The following CAMK4 variants were observed in gnomAD, a reference collection of about 807,000 sequenced individuals.
CAMK4 encodes the protein calcium/calmodulin-dependent protein kinase type IV.
Under a neutral mutation model 44.9 loss-of-function variants are expected in CAMK4, and 22 were observed. The observed-to-expected ratio is 0.49, with a 90% CI of 0.35 to 0.70. The LOEUF is 0.70. CAMK4 is among the 30% of genes least tolerant of loss of function. The pLI is 0.01. For synonymous variants in CAMK4, 218 were observed against 215.4 expected (o/e 1.01, Z -0.11); for missense variants, 498 against 586.8 (o/e 0.85, Z 1.56).
At chr5:111,286,299 G>A (rs1026520824) in intron 1 of CAMK4, among the ~76,000 whole-genome samples, 5 of 152,184 alleles carry the variant, frequency 3.3e-5, no homozygotes, top group African/African-American at 1.2e-4. Context: ...TTTGTCCGGT[G>A]TTGTATAGGT....
chr5:111,405,796 G>T (rs1196222152), intron 5 of CAMK4, among the ~76,000 whole-genome samples: 1 of 152,064 alleles, frequency 6.6e-6, no homozygotes, highest in Non-Finnish European at 1.5e-5. Flanking sequence ...GCAGTGGAGA[G>T]GATATTAAAA....
intron 1 of CAMK4, among the ~76,000 whole-genome samples, chr5:111,333,092 A>G (rs1323016487): frequency 6.6e-6 from 1 of 151,668 alleles, no homozygotes; most frequent in Non-Finnish European, 1.5e-5. Context: ...GTATATAAAA[A>G]CAATGGTATA....
At chr5:111,262,414 C>G (rs1750029365) in intron 1 of CAMK4, among the ~76,000 whole-genome samples, 3 of 152,070 alleles carry the variant, frequency 2.0e-5, no homozygotes, top group African/African-American at 7.2e-5. Flanking sequence ...GATTACATGT[C>G]AAAAGGGATG....
chr5:111,462,349 G>A (rs967788615), intron 7 of CAMK4, among the ~76,000 whole-genome samples: 1 of 152,090 alleles, frequency 6.6e-6, no homozygotes, highest in African/African-American at 2.4e-5. Context: ...TGATGTTTTT[G>A]ATTTATGTCT....
At chr5:111,277,759 A>G (rs1414044998) in intron 1 of CAMK4, among the ~76,000 whole-genome samples, 1 of 152,050 alleles carries the variant, frequency 6.6e-6, no homozygotes, top group Non-Finnish European at 1.5e-5. Context: ...GTACCATTTC[A>G]TATGTTTTAT....
chr5:111,475,423 A>C (rs1755202015), intron 8 of CAMK4, among the ~76,000 whole-genome samples: 1 of 152,186 alleles, frequency 6.6e-6, no homozygotes, highest in African/African-American at 2.4e-5. Flanking sequence ...GGAATGTGGA[A>C]TGCATAAAAC....
chr5:111,494,291 A>C lies in CAMK4; in HGVS notation c.*9825A>C, dbSNP rs1755980151. The C allele has an allele frequency of 2.6e-5, 4 of 152,220 alleles. No homozygotes were observed. The highest frequency in any genetic ancestry group is 6.5e-5 in the Admixed American group (1 of 15,280). The allele number at this position is 152,220 out of a possible 1,614,324, so 9.4% of individuals were successfully genotyped here. ...CTTCCCAACTTCTAATTTGAAGAGC[A>C]CTGAAAATGGAGCTGTGAACACTTC... On this transcript the variant is annotated 3_prime_UTR_variant, in exon 11 of 11. Transcript: ENST00000282356.
At chr5:111,297,096 A>C (rs1383070934) in intron 1 of CAMK4, among the ~76,000 whole-genome samples, 1 of 152,228 alleles carries the variant, frequency 6.6e-6, no homozygotes, top group African/African-American at 2.4e-5. Flanking sequence ...AATGAGCAAA[A>C]GCTTCAGACA....
chr5:111,303,617 G>C (rs1348704767), intron 1 of CAMK4, among the ~76,000 whole-genome samples: 1 of 133,392 alleles, frequency 7.5e-6, no homozygotes, highest in African/African-American at 3.1e-5. Flanking sequence ...ATCTACGTCT[G>C]ATTGGTGTAC....
intron 2 of CAMK4, chr5:111,358,061 A>G (rs1438695087): frequency 6.6e-6 from 1 of 152,074 alleles, no homozygotes; most frequent in Non-Finnish European, 1.5e-5. Context: ...GTTTCTCCTT[A>G]TTTACCTGAT....
At chr5:111,422,282 CTTGAAGTTCAGTAACGAGCAGG>C (rs1753061040) in intron 5 of CAMK4, among the ~76,000 whole-genome samples, 2 of 152,198 alleles carry the variant, frequency 1.3e-5, no homozygotes, top group South Asian at 4.1e-4. Flanking sequence ...CTTCTTTATA[CTTGAAGTTCAGTAACGAGCAGG>C]TGCTTGCCAG....
chr5:111,457,465 CT>C (rs1173965562), intron 7 of CAMK4, among the ~76,000 whole-genome samples: 2 of 152,188 alleles, frequency 1.3e-5, no homozygotes, highest in Non-Finnish European at 2.9e-5. Context: ...CAAGTCTTGT[CT>C]TCCATTAGTG....
intron 1 of CAMK4, among the ~76,000 whole-genome samples, chr5:111,294,571 A>C (rs1408449232): frequency 6.6e-6 from 1 of 152,210 alleles, no homozygotes; most frequent in African/African-American, 2.4e-5. Flanking sequence ...TATTCAGTTC[A>C]AAAGCAAGAT....
intron 1 of CAMK4, among the ~76,000 whole-genome samples, chr5:111,241,977 T>C (rs1278127673): frequency 6.6e-6 from 1 of 152,194 alleles, no homozygotes; most frequent in Non-Finnish European, 1.5e-5. Context: ...GGTGAATAAT[T>C]CATGGCAGGA....
chr5:111,419,596 T>A lies in CAMK4; in HGVS notation c.459+24814T>A, dbSNP rs568998650. 3.2e-3 allele frequency among the ~76,000 whole-genome samples: 492 copies of A among 152,176 alleles called. 4 individuals are homozygous for A. Among genetic ancestry groups the A allele is most frequent in the African/African-American group, 0.011 (471 of 41,512 alleles). On this transcript the variant is annotated intron_variant, in intron 5 of 10. Coordinates refer to ENST00000282356, the MANE Select transcript of CAMK4 (RefSeq NM_001744.6). ...TTTTAGGTCTAACATGTAAGTCTTT[T>A]ATCCATCTTGAATTAATTTTTGTAT...
At chr5:111,392,632 A>G (rs188214772) in intron 4 of CAMK4, among the ~76,000 whole-genome samples, 77 of 152,342 alleles carry the variant, frequency 5.1e-4, no homozygotes, top group Non-Finnish European at 8.7e-4. Flanking sequence ...AATGGACCAC[A>G]TAGTAAAAAC....
intron 1 of CAMK4, among the ~76,000 whole-genome samples, chr5:111,250,628 T>C (rs1341523805): frequency 1.3e-5 from 2 of 152,216 alleles, no homozygotes; most frequent in African/African-American, 4.8e-5. Flanking sequence ...TTCTTTCTCA[T>C]ATCTGCTTTA....
intron 4 of CAMK4, among the ~76,000 whole-genome samples, chr5:111,383,622 A>ATTTTTTT (rs10671641): frequency 2.8e-5 from 4 of 141,970 alleles, no homozygotes; most frequent in Admixed American, 7.0e-5. Context: ...AGGGGAGATA[A>ATTTTTTT]TTTTTTTTTT....
At chr5:111,236,720 T>A (rs949245454) in intron 1 of CAMK4, among the ~76,000 whole-genome samples, 3 of 152,160 alleles carry the variant, frequency 2.0e-5, no homozygotes, top group Non-Finnish European at 2.9e-5. Flanking sequence ...CTCACACCAT[T>A]TCATAATTCC....
Sources: gnomAD v4.1 joint callset for allele counts (sites outside exome capture counted in the v4.1 genomes callset) on GRCh38, gnomAD v4.1.1 for gene constraint, MANE v1.5 for transcripts, NCBI Gene and HGNC (gene_info 2026-07-23, HGNC 2026-07-21) for gene names.